PPARGC1A: variants seen among roughly 807,000 people sequenced by gnomAD.
The protein encoded by PPARGC1A is PPARG coactivator 1 alpha.
A neutral mutation model predicts 88.7 loss-of-function variants in PPARGC1A; 25 were observed. The observed-to-expected ratio is 0.28, with a 90% CI of 0.21 to 0.39. PPARGC1A has a LOEUF of 0.39. Ranked by LOEUF, PPARGC1A falls within the 10% of genes least tolerant of loss-of-function variation. The pLI is 1.00. For synonymous variants in PPARGC1A, 363 were observed against 355.6 expected (o/e 1.02, Z -0.24); for missense variants, 880 against 968.7 (o/e 0.91, Z 1.22).
chr4:23,840,744 C>T (rs1726920036), intron 2 of PPARGC1A, among the ~76,000 whole-genome samples: 1 of 152,128 alleles, frequency 6.6e-6, no homozygotes, highest in South Asian at 2.1e-4. Flanking sequence ...ACTAAAGAGT[C>T]TAATCCATCC....
chr4:23,922,804 T>C, the PPARGC1A span, among the ~76,000 whole-genome samples: 1 of 152,190 alleles, frequency 6.6e-6, no homozygotes, highest in Non-Finnish European at 1.5e-5. Context: ...GCTACACCAC[T>C]ATTGTACCCA....
At chr4:24,054,112 C>A in the PPARGC1A span, among the ~76,000 whole-genome samples, 7 of 152,178 alleles carry the variant, frequency 4.6e-5, no homozygotes, top group South Asian at 1.5e-3. Flanking sequence ...GTGTTGAAAT[C>A]TCTAATGGAA....
the PPARGC1A span, among the ~76,000 whole-genome samples, chr4:24,448,437 C>T: frequency 2.2e-3 from 340 of 152,302 alleles, no homozygotes; most frequent in Middle Eastern, 0.01. Flanking sequence ...CTTGTTACAG[C>T]CCATCTTCTT....
chr4:24,041,128 C>T, the PPARGC1A span, among the ~76,000 whole-genome samples: 2 of 152,206 alleles, frequency 1.3e-5, no homozygotes, highest in Admixed American at 6.5e-5. Flanking sequence ...CAGATCTATG[C>T]TTCACCCTTC....
the PPARGC1A span, among the ~76,000 whole-genome samples, chr4:24,426,789 A>C: frequency 6.6e-6 from 1 of 152,198 alleles, no homozygotes; most frequent in Admixed American, 6.5e-5. Flanking sequence ...GAATCTTATA[A>C]TGATCTGAAA....
the PPARGC1A span, among the ~76,000 whole-genome samples, chr4:24,169,481 G>T: frequency 6.6e-6 from 1 of 152,110 alleles, no homozygotes; most frequent in Non-Finnish European, 1.5e-5. Context: ...TAACAGGGGA[G>T]ACTGGGGCAG....
chr4:24,235,333 T>C, the PPARGC1A span, among the ~76,000 whole-genome samples: 2 of 152,198 alleles, frequency 1.3e-5, no homozygotes, highest in Non-Finnish European at 2.9e-5. Flanking sequence ...AAGTCCTTTA[T>C]GAGGGAATAA....
At chr4:24,122,124 C>A in the PPARGC1A span, among the ~76,000 whole-genome samples, 1 of 152,088 alleles carries the variant, frequency 6.6e-6, no homozygotes, top group African/African-American at 2.4e-5. Flanking sequence ...AGAACTTCAA[C>A]GAGCAGATCA....
rs192626094 is a variant in PPARGC1A, at chr4:23,800,140, C to G, written c.2293+1590G>C. On this transcript the variant is annotated intron_variant, in intron 12 of 12. Transcript: ENST00000264867. ...CTTCGTTGGACAGAAGAAAAAAAAT[C>G]CCTGTATTTGTATTTGTTTCCTTCT... Among the ~76,000 whole-genome samples, 15 of 152,208 alleles carry G rather than the reference C, an allele frequency of 9.9e-5. No individual in the cohort carries two copies. The East Asian group carries it at 2.5e-3, about 25-fold the overall frequency.
chr4:23,999,288 C>T, the PPARGC1A span, among the ~76,000 whole-genome samples: 5 of 152,180 alleles, frequency 3.3e-5, no homozygotes, highest in South Asian at 2.1e-4. Flanking sequence ...GGAGTCTCTC[C>T]CCCAGAGTTG....
At chr4:23,988,837 A>T in the PPARGC1A span, among the ~76,000 whole-genome samples, 1 of 148,062 alleles carries the variant, frequency 6.8e-6, no homozygotes, top group South Asian at 2.1e-4. Flanking sequence ...AAATAGCATT[A>T]TATATTACTA....
the PPARGC1A span, among the ~76,000 whole-genome samples, chr4:24,268,933 A>G: frequency 1.2e-4 from 18 of 152,312 alleles, no homozygotes; most frequent in Middle Eastern, 3.4e-3. Flanking sequence ...AACAGAATAC[A>G]CATAGTCAGC....
At chr4:23,820,511 C>G (rs1297876813) in intron 7 of PPARGC1A, 2 of 282,410 alleles carry the variant, frequency 7.1e-6, no homozygotes, top group African/African-American at 4.5e-5. Context: ...ATTTCAGAAA[C>G]AAAAAAGTGT....
At chr4:24,072,709 G>A in the PPARGC1A span, among the ~76,000 whole-genome samples, 1 of 152,148 alleles carries the variant, frequency 6.6e-6, no homozygotes, top group South Asian at 2.1e-4. Flanking sequence ...AAGCATTAGA[G>A]CTTTTGTTAA....
the PPARGC1A span, among the ~76,000 whole-genome samples, chr4:24,319,421 T>C: frequency 6.6e-6 from 1 of 152,272 alleles, no homozygotes; most frequent in African/African-American, 2.4e-5. Flanking sequence ...TGCTTCATTA[T>C]GAAAACAGAG....
chr4:24,345,598 T>C, the PPARGC1A span, among the ~76,000 whole-genome samples: 1 of 152,196 alleles, frequency 6.6e-6, no homozygotes, highest in Non-Finnish European at 1.5e-5. Context: ...TTTTGGTGTA[T>C]AGAAGAGCTA....
the PPARGC1A span, among the ~76,000 whole-genome samples, chr4:24,354,904 A>C: frequency 6.6e-6 from 1 of 151,254 alleles, no homozygotes; most frequent in Admixed American, 6.6e-5. Flanking sequence ...AAACAAACAA[A>C]CAAAAAACAG....
At chr4:24,154,740 C>T in the PPARGC1A span, among the ~76,000 whole-genome samples, 1 of 152,196 alleles carries the variant, frequency 6.6e-6, no homozygotes, top group Non-Finnish European at 1.5e-5. Context: ...GATGAGAAAG[C>T]TCTTCTGTCT....
chr4:24,362,350 C>CTGGATGGATGGA, the PPARGC1A span, among the ~76,000 whole-genome samples: 12,220 of 148,994 alleles, frequency 0.082, 802 homozygotes, highest in African/African-American at 0.17. Flanking sequence ...GAACACATGA[C>CTGGATGGATGGA]TGGATGGATG....
Sources: allele counts gnomAD v4.1 joint callset (sites outside exome capture counted in the v4.1 genomes callset), GRCh38; gene constraint gnomAD v4.1.1; transcripts MANE v1.5; gene names NCBI Gene and HGNC (gene_info 2026-07-23, HGNC 2026-07-21).